TRMT9B: variants seen among roughly 807,000 people sequenced by gnomAD.
The protein encoded by TRMT9B is tRNA methyltransferase 9B (putative).
Under a neutral mutation model 11.5 loss-of-function variants are expected in TRMT9B, and 16 were observed. The observed-to-expected ratio is 1.39, with a 90% CI of 0.94 to 2.11. The LOEUF (loss-of-function observed/expected upper bound fraction) is 2.11, where lower values mean the gene tolerates loss of function less well. Among genes scored for constraint, TRMT9B ranks in the 30% most tolerant of loss-of-function variants. The pLI, the probability that TRMT9B is intolerant of heterozygous loss-of-function variation, is 0.00. For synonymous variants in TRMT9B, 274 were observed against 192.4 expected (o/e 1.42, Z -3.51); for missense variants, 941 against 553.8 (o/e 1.70, Z -7.02).
At chr8:13,012,916 T>A in intron 4 of TRMT9B, 59 bp downstream of exon 4, 1 of 1,581,840 alleles carries the variant, frequency 6.3e-7, no homozygotes, top group Non-Finnish European at 8.6e-7. Flanking sequence ...CCCGGTTTAG[T>A]CCGTTCTCAT....
chr8:12,946,059 G>A (rs976083891), intron 1 of TRMT9B, 93 bp downstream of exon 1: 4 of 152,200 alleles, frequency 2.6e-5, no homozygotes, highest in African/African-American at 2.4e-5. Context: ...TAAGTGCCAT[G>A]AGGGTAGATA....
chr8:13,007,693 C>G (rs1025767836), intron 3 of TRMT9B: 1 of 152,060 alleles, frequency 6.6e-6, no homozygotes, highest in Non-Finnish European at 1.5e-5. Context: ...GCTCTTACCA[C>G]GTATAATCTA....
intron 1 of TRMT9B, among the ~76,000 whole-genome samples, chr8:12,969,697 C>T (rs1477738026): frequency 6.7e-6 from 1 of 149,864 alleles, no homozygotes; most frequent in South Asian, 2.1e-4. Context: ...GTGAGTGTCT[C>T]TCTATACCGC....
At chr8:13,011,366 T>G (rs1035082646) in intron 3 of TRMT9B, 24 of 985,196 alleles carry the variant, frequency 2.4e-5, no homozygotes, top group Non-Finnish European at 2.8e-5. Flanking sequence ...TACTGTATCA[T>G]AATTTTGAAA....
intron 3 of TRMT9B, chr8:13,011,575 C>G (rs1393204054): frequency 1.9e-5 from 18 of 935,164 alleles, no homozygotes; most frequent in Non-Finnish European, 2.0e-5. Context: ...GAATATAATA[C>G]TAAGTATTAG....
At chr8:13,015,737 T>G (rs1812531562) in intron 4 of TRMT9B, among the ~76,000 whole-genome samples, 2 of 152,104 alleles carry the variant, frequency 1.3e-5, no homozygotes, top group Admixed American at 1.3e-4. Context: ...TAGACCACCT[T>G]TCCTATGCTT....
chr8:13,009,975 C>T (rs1811289222), intron 3 of TRMT9B, among the ~76,000 whole-genome samples: 1 of 151,732 alleles, frequency 6.6e-6, no homozygotes, highest in Non-Finnish European at 1.5e-5. Context: ...AAAAATACAA[C>T]AACAGTAAAA....
intron 1 of TRMT9B, among the ~76,000 whole-genome samples, chr8:12,986,876 C>G (rs2128876372): frequency 6.6e-6 from 1 of 152,276 alleles, no homozygotes; most frequent in South Asian, 2.1e-4. Flanking sequence ...CATATTTAAC[C>G]AAGTTCTTTC....
chr8:12,970,090 G>C (rs1803381692), intron 1 of TRMT9B: 1 of 152,170 alleles, frequency 6.6e-6, no homozygotes, highest in Admixed American at 6.5e-5. Flanking sequence ...CCTCACTGTT[G>C]CTGAATAAAC....
At chr8:13,012,646 A>T in intron 3 of TRMT9B, 38 bp from the exon 4 acceptor site, 1 of 1,555,356 alleles carries the variant, frequency 6.4e-7, no homozygotes, top group Non-Finnish European at 8.7e-7. Context: ...CACATTTTCC[A>T]TTGAGGATAG....
At chr8:12,997,906 A>T (rs1334897910) in intron 2 of TRMT9B, among the ~76,000 whole-genome samples, 1 of 152,168 alleles carries the variant, frequency 6.6e-6, no homozygotes, top group Non-Finnish European at 1.5e-5. Flanking sequence ...TTTCACCAAC[A>T]CTAGATATTC....
chr8:13,022,890 G>A lies in TRMT9B; in HGVS notation c.*846G>A, dbSNP rs1490083051. 1.8e-5 allele frequency: 3 copies of A among 166,432 alleles called. No homozygotes were observed. Among genetic ancestry groups the A allele is most frequent in the African/African-American group, 7.2e-5 (3 of 41,400 alleles). The allele number at this position is 166,432 out of a possible 1,614,324, so 10.3% of individuals were successfully genotyped here. On this transcript the variant is annotated 3_prime_UTR_variant, in exon 5 of 5. Transcript: ENST00000524591. ...CCAAGCTACTCAAGAGACTGAGGCAGGAGGATCACGTGAGCCCAGGAATTC... is the reference window on the plus strand; with the variant it reads ...CCAAGCTACTCAAGAGACTGAGGCAAGAGGATCACGTGAGCCCAGGAATTC...
At position 13,021,079 on chromosome 8, in the gene TRMT9B, G is replaced by A. The variant is rs769676844; in HGVS notation, c.400G>A (p.Gly134Arg). The A allele has an allele frequency of 1.2e-5, 19 of 1,605,322 alleles. No homozygotes were observed. Among genetic ancestry groups the A allele is most frequent in the East Asian group, 4.5e-5 (2 of 44,782 alleles). The change falls in exon 5 of 5, where the codon GGA becomes AGA. Residue 134 changes from glycine to arginine, a missense_variant. Gly to Arg is a moderately radical substitution (Grantham distance 125). Transcript: ENST00000524591. ...AGAAATGGCCAGGGTCTTAGTTCCC[G>A]GAGGCCAACTGATGATTTACGTTTG... ...IKEMARVLVP[G>R]GQLMIYVWAM...
At chr8:12,973,962 C>A (rs1014119887) in intron 1 of TRMT9B, among the ~76,000 whole-genome samples, 1 of 152,016 alleles carries the variant, frequency 6.6e-6, no homozygotes, top group Non-Finnish European at 1.5e-5. Context: ...GAGTTTCAGA[C>A]CAGCCTGAGC....
chr8:12,954,269 C>T (rs1044246504), intron 1 of TRMT9B, among the ~76,000 whole-genome samples: 1 of 152,136 alleles, frequency 6.6e-6, no homozygotes. Flanking sequence ...TTCTGATACG[C>T]GGATATGTGA....
intron 1 of TRMT9B, among the ~76,000 whole-genome samples, chr8:12,974,633 G>A (rs964484012): frequency 2.0e-5 from 3 of 152,186 alleles, no homozygotes; most frequent in Non-Finnish European, 4.4e-5. Flanking sequence ...GCAAAACGTG[G>A]CAGTCTGGAG....
chr8:12,985,358 T>C (rs765912920), intron 1 of TRMT9B, among the ~76,000 whole-genome samples: 35 of 152,202 alleles, frequency 2.3e-4, no homozygotes, highest in Non-Finnish European at 4.6e-4. Context: ...TTGTAATCTC[T>C]CTGGTGTATC....
intron 1 of TRMT9B, among the ~76,000 whole-genome samples, chr8:12,959,608 C>G (rs1048173323): frequency 7.3e-6 from 1 of 137,340 alleles, no homozygotes; most frequent in South Asian, 2.5e-4. Context: ...GAACCTCAAC[C>G]TCCTGGGCTC....
intron 1 of TRMT9B, among the ~76,000 whole-genome samples, chr8:12,967,045 G>T (rs539431770): frequency 5.9e-5 from 9 of 152,296 alleles, no homozygotes; most frequent in African/African-American, 1.7e-4. Context: ...GGAAGGATAG[G>T]TAATGACATC....
Sources: gnomAD v4.1 joint callset for allele counts (sites outside exome capture counted in the v4.1 genomes callset) on GRCh38, gnomAD v4.1.1 for gene constraint, MANE v1.5 for transcripts, NCBI Gene and HGNC (gene_info 2026-07-23, HGNC 2026-07-21) for gene names.